Variants in NDUFS4 observed in about 807,000 individuals in gnomAD.
NDUFS4 encodes NADH:ubiquinone oxidoreductase subunit S4.
Under a neutral mutation model 24.3 loss-of-function variants are expected in NDUFS4, and 28 were observed. The observed-to-expected ratio is 1.15, with a 90% CI of 0.85 to 1.58. The LOEUF (loss-of-function observed/expected upper bound fraction) is 1.58. Ranked by LOEUF, NDUFS4 falls within the 40% of genes most tolerant of loss-of-function variation. The pLI is 0.00. For missense variants in NDUFS4, 223 were observed against 207.9 expected (o/e 1.07, Z -0.45); for synonymous variants, 93 against 69.7 (o/e 1.34, Z -1.67).
intron 1 of NDUFS4, among the ~76,000 whole-genome samples, chr5:53,591,370 C>A (rs1042616001): frequency 7.5e-5 from 11 of 146,854 alleles, no homozygotes; most frequent in African/African-American, 2.8e-4. Flanking sequence ...TCTGTAATGG[C>A]TGTGTCATTT....
At chr5:53,583,119 C>G (rs1174338794) in intron 1 of NDUFS4, among the ~76,000 whole-genome samples, 1 of 152,048 alleles carries the variant, frequency 6.6e-6, no homozygotes, top group Non-Finnish European at 1.5e-5. Context: ...CCTCATGATC[C>G]GCCCGCCTCG....
At chr5:53,580,031 T>C (rs1749511068) in intron 1 of NDUFS4, among the ~76,000 whole-genome samples, 1 of 152,192 alleles carries the variant, frequency 6.6e-6, no homozygotes, top group East Asian at 1.9e-4. Flanking sequence ...CTTCTAGATC[T>C]ATAAGAGAAT....
chr5:53,628,535 A>G (rs995408320), intron 2 of NDUFS4, among the ~76,000 whole-genome samples: 11 of 152,074 alleles, frequency 7.2e-5, no homozygotes, highest in Non-Finnish European at 1.6e-4. Context: ...TTGGTAGGCT[A>G]TTATTGCCCC....
At chr5:53,682,648 C>G (rs889482920) in intron 4 of NDUFS4, among the ~76,000 whole-genome samples, 6 of 152,060 alleles carry the variant, frequency 3.9e-5, no homozygotes, top group Admixed American at 1.3e-4. Context: ...CACATGCACC[C>G]ATACACACGT....
At chr5:53,661,784 C>G (rs1752350914) in intron 4 of NDUFS4, among the ~76,000 whole-genome samples, 1 of 83,398 alleles carries the variant, frequency 1.2e-5, no homozygotes. Context: ...TGGGAGTTCA[C>G]TCATGATTTG....
At position 53,605,526 on chromosome 5, in the gene NDUFS4, T is replaced by C. The variant is rs368112307; in HGVS notation, c.177+1996T>C. On this transcript the variant is annotated intron_variant, in intron 2 of 4. Transcript: ENST00000296684. ...GACTGGATTGGTTTGGTATTTTTAA[T>C]TATATGTCATAAAATCGGTTGCATA... Among the ~76,000 whole-genome samples the C allele has an allele frequency of 3.9e-5, 6 of 152,296 alleles. No individual in the cohort carries two copies. In the East Asian group the frequency reaches 1.2e-3, roughly 29 times the overall value.
At chr5:53,612,905 A>G (rs1750741836) in intron 2 of NDUFS4, among the ~76,000 whole-genome samples, 2 of 152,128 alleles carry the variant, frequency 1.3e-5, no homozygotes, top group South Asian at 4.1e-4. Context: ...CTTCGAAAAT[A>G]AAACAACTAC....
intron 3 of NDUFS4, among the ~76,000 whole-genome samples, chr5:53,654,050 T>C (rs890889108): frequency 6.6e-6 from 1 of 152,176 alleles, no homozygotes; most frequent in Admixed American, 6.5e-5. Context: ...CCTTGTTGCA[T>C]TGGCTAGAAT....
chr5:53,604,547 G>T (rs1750437169), intron 2 of NDUFS4, among the ~76,000 whole-genome samples: 1 of 152,114 alleles, frequency 6.6e-6, no homozygotes, highest in African/African-American at 2.4e-5. Flanking sequence ...GATCTCCCTA[G>T]ACTCTTTAAT....
At chr5:53,587,825 G>A (rs895466054) in intron 1 of NDUFS4, among the ~76,000 whole-genome samples, 2 of 152,006 alleles carry the variant, frequency 1.3e-5, no homozygotes, top group Non-Finnish European at 2.9e-5. Flanking sequence ...GGGATCCACC[G>A]GCCTCAGTCT....
At chr5:53,674,504 A>G (rs1390152342) in intron 4 of NDUFS4, among the ~76,000 whole-genome samples, 1 of 152,154 alleles carries the variant, frequency 6.6e-6, no homozygotes, top group East Asian at 1.9e-4. Context: ...ATGGATTAGT[A>G]TTCTGTCTTA....
chr5:53,575,118 C>G (rs1021801045), intron 1 of NDUFS4, among the ~76,000 whole-genome samples: 4 of 152,194 alleles, frequency 2.6e-5, no homozygotes, highest in African/African-American at 9.7e-5. Flanking sequence ...TCTATCATTT[C>G]TCTGAGCACT....
intron 3 of NDUFS4, among the ~76,000 whole-genome samples, chr5:53,653,663 GC>G (rs1395604707): frequency 2.6e-5 from 4 of 151,384 alleles, no homozygotes; most frequent in Non-Finnish European, 4.4e-5. Context: ...CAGTATACCC[GC>G]CCTCCCTCCA....
At chr5:53,667,702 AG>A (rs1292882159) in intron 4 of NDUFS4, among the ~76,000 whole-genome samples, 1 of 152,160 alleles carries the variant, frequency 6.6e-6, no homozygotes, top group Non-Finnish European at 1.5e-5. Context: ...TAAAAAAAAA[AG>A]GTTCAGATGC....
intron 1 of NDUFS4, chr5:53,573,668 A>G (rs1008548751): frequency 7.0e-6 from 3 of 426,782 alleles, no homozygotes; most frequent in African/African-American, 2.1e-5. Flanking sequence ...AGCTCACTAC[A>G]TCCCTGAGCT....
At chr5:53,561,119 C>T (rs1748829021) in intron 1 of NDUFS4, among the ~76,000 whole-genome samples, 1 of 152,152 alleles carries the variant, frequency 6.6e-6, no homozygotes, top group Admixed American at 6.5e-5. Context: ...GCATCCCTTC[C>T]ATTTGTCACC....
intron 2 of NDUFS4, among the ~76,000 whole-genome samples, chr5:53,629,158 G>C (rs553305121): frequency 6.6e-6 from 1 of 152,264 alleles, no homozygotes; most frequent in South Asian, 2.1e-4. Flanking sequence ...TTCAGGAGGA[G>C]GTTGTTCAGT....
At chr5:53,603,322 C>G in intron 1 of NDUFS4, 130 bp from the exon 2 acceptor site, 3 of 712,168 alleles carry the variant, frequency 4.2e-6, no homozygotes, top group African/African-American at 2.0e-5. Flanking sequence ...GCCCTCTTCT[C>G]TTTCTTTCCT....
At chr5:53,605,222 AAAAAC>A (rs1043846583) in intron 2 of NDUFS4, among the ~76,000 whole-genome samples, 2 of 152,202 alleles carry the variant, frequency 1.3e-5, no homozygotes, top group Non-Finnish European at 2.9e-5. Context: ...ACTCAGTCTG[AAAAAC>A]AAAACAAAAG....
Sources: allele counts gnomAD v4.1 joint callset (sites outside exome capture counted in the v4.1 genomes callset), GRCh38; gene constraint gnomAD v4.1.1; transcripts MANE v1.5; gene names NCBI Gene and HGNC (gene_info 2026-07-23, HGNC 2026-07-21).